Variants in LGR5 observed in about 807,000 individuals in gnomAD.
The protein encoded by LGR5 is leucine rich repeat containing G protein-coupled receptor 5, also known as leucine-rich repeat-containing G protein-coupled receptor 5.
Under a neutral mutation model 76.7 loss-of-function variants are expected in LGR5, and 54 were observed. The ratio of observed to expected loss-of-function variants is 0.70; its 90% CI spans 0.57 to 0.88. The LOEUF (loss-of-function observed/expected upper bound fraction) is 0.88. Ranked by LOEUF, LGR5 falls within the 40% of genes least tolerant of loss-of-function variation. The probability of loss-of-function intolerance (pLI) is 0.00; values close to 1 mark genes in which losing one functional copy is unlikely to be tolerated. For synonymous variants in LGR5, 406 were observed against 421.9 expected (o/e 0.96, Z 0.46); for missense variants, 1,078 against 1,073.3 (o/e 1.00, Z -0.06).
chr12:71,556,612 A>C lies in LGR5; in HGVS notation c.645-7A>C, dbSNP rs1174258391. On this transcript the variant is annotated splice_polypyrimidine_tract_variant and splice_region_variant and intron_variant, in intron 5 of 17. Coordinates refer to ENST00000266674, the MANE Select transcript of LGR5 (RefSeq NM_003667.4). ...CCTTCCTAACTATCTGTAATGTTCT[A>C]CTGCAGACATCTCCATAACAATAGA... is the stretch of plus-strand genomic sequence containing the variant. The C allele has an allele frequency of 1.1e-5, 17 of 1,589,780 alleles. No homozygotes were observed. The highest frequency in any genetic ancestry group is 1.5e-5 in the Non-Finnish European group (17 of 1,157,870).
At chr12:71,483,429 C>A (rs1389085017) in intron 1 of LGR5, among the ~76,000 whole-genome samples, 1 of 152,172 alleles carries the variant, frequency 6.6e-6, no homozygotes, top group Non-Finnish European at 1.5e-5. Flanking sequence ...GCCACGAAGG[C>A]ATGAGAAACC....
intron 1 of LGR5, among the ~76,000 whole-genome samples, chr12:71,461,916 TC>T (rs2137228502): frequency 6.6e-6 from 1 of 152,258 alleles, no homozygotes; most frequent in Non-Finnish European, 1.5e-5. Context: ...ACTCCAAGAA[TC>T]CAGCCTTAAA....
intron 1 of LGR5, among the ~76,000 whole-genome samples, chr12:71,503,151 A>C (rs544794003): frequency 6.6e-6 from 1 of 150,516 alleles, no homozygotes; most frequent in East Asian, 1.9e-4. Context: ...CAGAAACTGC[A>C]TTGATCAGTT....
chr12:71,546,027 G>T (rs1877140187), intron 4 of LGR5, among the ~76,000 whole-genome samples: 1 of 152,172 alleles, frequency 6.6e-6, no homozygotes, highest in Non-Finnish European at 1.5e-5. Flanking sequence ...GGCAGGTGGG[G>T]TTGCCTGAAC....
intron 1 of LGR5, among the ~76,000 whole-genome samples, chr12:71,485,297 T>G (rs770319085): frequency 4.6e-5 from 7 of 152,224 alleles, no homozygotes; most frequent in Non-Finnish European, 1.0e-4. Flanking sequence ...CAATAAAATT[T>G]TAAAGAGTTC....
chr12:71,542,052 G>C (rs1278702804), intron 4 of LGR5, among the ~76,000 whole-genome samples: 1 of 152,096 alleles, frequency 6.6e-6, no homozygotes, highest in Non-Finnish European at 1.5e-5. Context: ...ATGAAAGAAG[G>C]GAAGGCAACA....
intron 2 of LGR5, among the ~76,000 whole-genome samples, chr12:71,520,435 G>T (rs1277516245): frequency 1.3e-5 from 2 of 152,156 alleles, no homozygotes; most frequent in Non-Finnish European, 2.9e-5. Context: ...CAGGTATGGA[G>T]ATTTTGTTGG....
chr12:71,577,966 C>T lies in LGR5; in HGVS notation c.1250C>T (p.Ala417Val). ...WNKIAIIHPN[A>V]FSTLPSLIKL... is the part of the protein sequence containing the mutation. ...AAAATTGCTATTATTCACCCCAATG[C>T]ATTTTCCACTTTGCCATCCCTAATA... Residue 417 changes from alanine (A) to valine (V), a missense_variant, in exon 14 of 18, where the codon GCA (alanine) becomes GTA (valine). Coordinates refer to ENST00000266674, the MANE Select transcript of LGR5 (RefSeq NM_003667.4). 1 of 1,613,598 alleles carries T rather than the reference C, an allele frequency of 6.2e-7. No homozygotes were observed. Among genetic ancestry groups the T allele is most frequent in the Non-Finnish European group, 8.5e-7 (1 of 1,179,554 alleles).
chr12:71,580,541 A>G, intron 16 of LGR5, 118 bp downstream of exon 16: 1 of 1,026,636 alleles, frequency 9.7e-7, no homozygotes, highest in Non-Finnish European at 1.4e-6. Flanking sequence ...CACACCTGTA[A>G]TCCCAACAGT....
At chr12:71,575,246 C>T (rs1878798393) in intron 13 of LGR5, among the ~76,000 whole-genome samples, 2 of 152,116 alleles carry the variant, frequency 1.3e-5, no homozygotes, top group South Asian at 4.1e-4. Context: ...AAACAAAAAC[C>T]TCATAACTAT....
chr12:71,486,278 G>C (rs1873823355), intron 1 of LGR5, among the ~76,000 whole-genome samples: 1 of 152,138 alleles, frequency 6.6e-6, no homozygotes, highest in South Asian at 2.1e-4. Flanking sequence ...ATCATCATTA[G>C]AGTCATATCG....
chr12:71,519,103 C>T (rs1397208983), intron 2 of LGR5, among the ~76,000 whole-genome samples: 1 of 152,152 alleles, frequency 6.6e-6, no homozygotes, highest in Non-Finnish European at 1.5e-5. Flanking sequence ...GCCTGGACAC[C>T]TCTCCAACCT....
At chr12:71,494,765 A>G (rs747731944) in intron 1 of LGR5, among the ~76,000 whole-genome samples, 1 of 151,144 alleles carries the variant, frequency 6.6e-6, no homozygotes, top group Non-Finnish European at 1.5e-5. Flanking sequence ...TCTAGTTCCT[A>G]TTGAATACCC....
chr12:71,551,465 T>C (rs1176511254), intron 4 of LGR5, among the ~76,000 whole-genome samples: 1 of 152,234 alleles, frequency 6.6e-6, no homozygotes, highest in African/African-American at 2.4e-5. Context: ...TCCTTCCTAA[T>C]ACGTGGACCA....
intron 2 of LGR5, among the ~76,000 whole-genome samples, chr12:71,512,054 C>T (rs896490751): frequency 6.6e-5 from 10 of 152,116 alleles, no homozygotes; most frequent in Non-Finnish European, 7.4e-5. Context: ...TGCAGTGGCA[C>T]GATGTCAGCT....
intron 9 of LGR5, 25 bp downstream of exon 9, chr12:71,566,500 T>A: frequency 6.4e-7 from 1 of 1,561,550 alleles, no homozygotes; most frequent in Non-Finnish European, 8.8e-7. Context: ...CTCTTATGGA[T>A]CACTTTCCCT....
chr12:71,552,153 A>T (rs1008278725), intron 4 of LGR5, among the ~76,000 whole-genome samples: 2 of 152,094 alleles, frequency 1.3e-5, no homozygotes, highest in Non-Finnish European at 2.9e-5. Flanking sequence ...TAAAACCTAG[A>T]TGATGTGTTG....
intron 15 of LGR5, among the ~76,000 whole-genome samples, chr12:71,580,012 T>A (rs1879023978): frequency 6.6e-6 from 1 of 152,186 alleles, no homozygotes; most frequent in Non-Finnish European, 1.5e-5. Flanking sequence ...TTTAACCTTT[T>A]TATTTTGGAA....
At chr12:71,548,972 G>A (rs1877339133) in intron 4 of LGR5, among the ~76,000 whole-genome samples, 1 of 152,176 alleles carries the variant, frequency 6.6e-6, no homozygotes, top group Admixed American at 6.5e-5. Context: ...ATATGTGTAT[G>A]TCTTCTTGTA....
Sources: allele counts gnomAD v4.1 joint callset (sites outside exome capture counted in the v4.1 genomes callset), GRCh38; gene constraint gnomAD v4.1.1; transcripts MANE v1.5; gene names NCBI Gene and HGNC (gene_info 2026-07-23, HGNC 2026-07-21).